The following SMURF2 variants were observed in gnomAD, a reference collection of about 807,000 sequenced individuals.
SMURF2 encodes SMAD specific E3 ubiquitin protein ligase 2.
SMURF2 carries 48 observed loss-of-function variants against 109.6 expected under a neutral mutation model. The observed-to-expected ratio is 0.44, with a 90% CI of 0.35 to 0.56. The LOEUF (loss-of-function observed/expected upper bound fraction) is 0.56, where lower values mean the gene tolerates loss of function less well. Ranked by LOEUF, SMURF2 falls within the 20% of genes least tolerant of loss-of-function variation. The probability of loss-of-function intolerance (pLI) is 0.01; values close to 1 mark genes in which losing one functional copy is unlikely to be tolerated. For synonymous variants in SMURF2, 288 were observed against 317.1 expected (o/e 0.91, Z 0.97); for missense variants, 575 against 909.0 (o/e 0.63, Z 4.72).
chr17:64,551,524 C>A, intron 16 of SMURF2, 60 bp downstream of exon 16: 1 of 1,564,864 alleles, frequency 6.4e-7, no homozygotes, highest in Non-Finnish European at 8.7e-7. Flanking sequence ...AACTAAGTAA[C>A]AAAATAATTC....
chr17:64,597,097 A>G (rs1364048919), intron 3 of SMURF2, among the ~76,000 whole-genome samples: 1 of 152,190 alleles, frequency 6.6e-6, no homozygotes, highest in Admixed American at 6.5e-5. Context: ...GGGATGCTGA[A>G]TACCAATTTT....
intron 10 of SMURF2, 122 bp from the exon 11 acceptor site, chr17:64,563,088 G>T: frequency 1.2e-6 from 1 of 855,392 alleles, no homozygotes; most frequent in Non-Finnish European, 1.7e-6. Flanking sequence ...AGCCTTAGTA[G>T]AACATATACT....
rs59701513 is a variant in SMURF2, at chr17:64,637,923, C to CAAAAAAAAAAAAAAAA, written c.52+23890_52+23905dup. Among the ~76,000 whole-genome samples, 279 of 72,486 alleles carry CAAAAAAAAAAAAAAAA rather than the reference C, an allele frequency of 3.8e-3. 14 individuals carry two copies. Among genetic ancestry groups the CAAAAAAAAAAAAAAAA allele is most frequent in the African/African-American group, 0.011 (261 of 24,252 alleles). 47.6% of individuals were successfully genotyped at this position (72,486 alleles called of 152,430 possible). On this transcript the variant is annotated intron_variant, in intron 1 of 18. Transcript: ENST00000262435. The stretch of plus-strand genomic sequence containing the variant: ...CATTGAATGGTTTTGGCGCCCTAGT[C>CAAAAAAAAAAAAAAAA]AAAAAAAAAAAAAAAAAAAATCAAC...
At chr17:64,639,180 G>T (rs1970461095) in intron 1 of SMURF2, among the ~76,000 whole-genome samples, 1 of 152,126 alleles carries the variant, frequency 6.6e-6, no homozygotes, top group African/African-American at 2.4e-5. Flanking sequence ...TAATATTTAT[G>T]AATTTTCTCA....
chr17:64,622,895 G>A (rs890236321), intron 1 of SMURF2, among the ~76,000 whole-genome samples: 2 of 152,122 alleles, frequency 1.3e-5, no homozygotes, highest in African/African-American at 4.8e-5. Flanking sequence ...TATTCTGCAT[G>A]GGAGATTTGT....
intron 11 of SMURF2, 152 bp downstream of exon 11, chr17:64,562,619 C>T (rs1969238033): frequency 1.6e-6 from 1 of 641,900 alleles, no homozygotes; most frequent in Admixed American, 3.0e-5. Flanking sequence ...CTCAGGTGAT[C>T]CGCCCACCTC....
intron 1 of SMURF2, among the ~76,000 whole-genome samples, chr17:64,607,106 A>G (rs1160844909): frequency 2.0e-5 from 3 of 147,656 alleles, no homozygotes; most frequent in Non-Finnish European, 3.0e-5. Context: ...TCTGTTCTCC[A>G]TCTAAATGCC....
chr17:64,590,245 G>A (rs1341703629), intron 5 of SMURF2, among the ~76,000 whole-genome samples: 5 of 150,748 alleles, frequency 3.3e-5, no homozygotes, highest in South Asian at 2.1e-4. Flanking sequence ...GGGTTCAAGC[G>A]ATTCTCCTGC....
In SMURF2 at chr17:64,557,679, A is replaced by G. The variant is rs536626033; in HGVS notation, c.1360T>C (p.Tyr454His). Residue 454 changes from tyrosine (Y) to histidine (H), a missense_variant, in exon 13 of 19, where the codon TAT (tyrosine) becomes CAT (histidine). This residue lies in a region of SMURF2 where 361 missense variants were observed against 612.1 expected (regional missense o/e 0.59). Coordinates refer to ENST00000262435, the MANE Select transcript of SMURF2 (RefSeq NM_022739.4). ...TCTCTTGAATACTGGAAGAGGCCAT[A>G]GTATGGATTCAACATTTCATGTGAC... is the stretch of plus-strand genomic sequence containing the variant. ...LLSHEMLNPY[Y>H]GLFQYSRDDI... 1 of 1,612,636 alleles carries G rather than the reference A, an allele frequency of 6.2e-7. No homozygotes were observed. The highest frequency in any genetic ancestry group is 2.2e-5 in the East Asian group (1 of 44,752).
chr17:64,601,647 T>G (rs1211775157), intron 2 of SMURF2, among the ~76,000 whole-genome samples: 1 of 152,086 alleles, frequency 6.6e-6, no homozygotes, highest in East Asian at 1.9e-4. Context: ...TGGAGATTCC[T>G]TAAAGAACTA....
chr17:64,550,246 T>C (rs977137236), intron 16 of SMURF2, among the ~76,000 whole-genome samples: 2 of 152,206 alleles, frequency 1.3e-5, no homozygotes, highest in Admixed American at 1.3e-4. Context: ...AGAAAGGACA[T>C]TGAAGGCATT....
At position 64,542,970 on chromosome 17, in the gene SMURF2, A is replaced by C. The variant is rs1968895389; in HGVS notation, c.*2878T>G. The stretch of plus-strand genomic sequence containing the variant: ...TCTCTGTACTGCCTATGAGCTCTAC[A>C]AAGGAATCTCTGTTCATAACTAAGC... On this transcript the variant is annotated 3_prime_UTR_variant, in exon 19 of 19. Transcript: ENST00000262435. The C allele has an allele frequency of 6.6e-6, 1 of 152,212 alleles. No homozygotes were observed. The allele number at this position is 152,212 out of a possible 1,614,324, so 9.4% of individuals were successfully genotyped here.
At position 64,561,489 on chromosome 17, in the gene SMURF2, C is replaced by A. The variant is rs1969217901; in HGVS notation, c.1316+11G>T. The A allele has an allele frequency of 6.3e-7, 1 of 1,586,714 alleles. No individual in the cohort carries two copies. The highest frequency in any genetic ancestry group is 8.6e-7 in the Non-Finnish European group (1 of 1,156,314). On this transcript the variant is annotated intron_variant, in intron 12 of 18. Coordinates refer to ENST00000262435, the MANE Select transcript of SMURF2 (RefSeq NM_022739.4). ...GATCCATATGTCATAAGCTGGCAAG[C>A]AAGTCCATACCTGGCAACGCCTCCA...
chr17:64,621,952 C>CAATAAT (rs782162183), intron 1 of SMURF2, among the ~76,000 whole-genome samples: 2,524 of 130,442 alleles, frequency 0.019, 66 homozygotes, highest in African/African-American at 0.063. Flanking sequence ...GCCATCATCG[C>CAATAAT]AATAATAATA....
At chr17:64,656,603 A>G (rs1430897067) in intron 1 of SMURF2, among the ~76,000 whole-genome samples, 1 of 152,200 alleles carries the variant, frequency 6.6e-6, no homozygotes, top group East Asian at 1.9e-4. Context: ...TGAAACCTTA[A>G]AAATATCCAC....
At chr17:64,592,373 G>C (rs1308299794) in intron 4 of SMURF2, among the ~76,000 whole-genome samples, 1 of 152,096 alleles carries the variant, frequency 6.6e-6, no homozygotes, top group African/African-American at 2.4e-5. Flanking sequence ...TTTCTCTACT[G>C]TTGGTTACCC....
intron 9 of SMURF2, among the ~76,000 whole-genome samples, chr17:64,573,693 GA>G (rs1178891072): frequency 1.3e-5 from 2 of 152,134 alleles, no homozygotes; most frequent in African/African-American, 4.8e-5. Context: ...GCAAGACTGG[GA>G]TAGGAAACCT....
At chr17:64,655,945 T>TA (rs1223311359) in intron 1 of SMURF2, among the ~76,000 whole-genome samples, 6 of 151,240 alleles carry the variant, frequency 4.0e-5, no homozygotes, top group African/African-American at 7.3e-5. Context: ...AAAGCTACAA[T>TA]AAAAAAAACA....
chr17:64,562,349 T>C (rs1969233444), intron 11 of SMURF2, among the ~76,000 whole-genome samples: 1 of 149,008 alleles, frequency 6.7e-6, no homozygotes. Flanking sequence ...TCGGTATTCT[T>C]GGAAAAGAGC....
Sources: allele counts gnomAD v4.1 joint callset (sites outside exome capture counted in the v4.1 genomes callset), GRCh38; gene constraint gnomAD v4.1.1; regional missense constraint gnomAD v4.1.1; transcripts MANE v1.5; gene names NCBI Gene and HGNC (gene_info 2026-07-23, HGNC 2026-07-21).